Variants in NKAIN3 observed in about 807,000 individuals in gnomAD.
The protein encoded by NKAIN3 is sodium/potassium transporting ATPase interacting 3, also known as sodium/potassium-transporting ATPase subunit beta-1-interacting protein 3.
In NKAIN3, 25 loss-of-function variants were observed where a neutral mutation model predicts 30.2. The observed-to-expected ratio is 0.83, with a 90% CI of 0.60 to 1.16. The LOEUF (loss-of-function observed/expected upper bound fraction) is 1.16, where lower values mean the gene tolerates loss of function less well. Among genes scored for constraint, NKAIN3 ranks in the 50% most tolerant of loss-of-function variants. The pLI, the probability that NKAIN3 is intolerant of heterozygous loss-of-function variation, is 0.00. For missense variants in NKAIN3, 225 were observed against 254.1 expected, an observed-to-expected ratio of 0.89 and a Z score of 0.78; for synonymous variants, 91 against 89.6, an observed-to-expected ratio of 1.02 and a Z score of -0.09.
At chr8:62,805,079 G>C (rs913979556) in intron 4 of NKAIN3, among the ~76,000 whole-genome samples, 3 of 152,004 alleles carry the variant, frequency 2.0e-5, no homozygotes, top group South Asian at 4.1e-4. Context: ...AAATACCTAG[G>C]AATCCAACCT....
chr8:62,319,640 T>C (rs1406617690), intron 1 of NKAIN3, among the ~76,000 whole-genome samples: 1 of 152,124 alleles, frequency 6.6e-6, no homozygotes, highest in Non-Finnish European at 1.5e-5. Context: ...AGTTGAGCGG[T>C]TTTGAGTGAG....
At chr8:62,338,268 G>GA (rs903079696) in intron 1 of NKAIN3, among the ~76,000 whole-genome samples, 2 of 151,112 alleles carry the variant, frequency 1.3e-5, no homozygotes, top group Middle Eastern at 3.4e-3. Flanking sequence ...ACTTGAAAAA[G>GA]AAAAAAATGG....
At chr8:62,312,283 A>G (rs1814468201) in intron 1 of NKAIN3, among the ~76,000 whole-genome samples, 1 of 150,676 alleles carries the variant, frequency 6.6e-6, no homozygotes, top group Non-Finnish European at 1.5e-5. Context: ...TGGAAATAAC[A>G]CCTTTTGTGA....
intron 1 of NKAIN3, among the ~76,000 whole-genome samples, chr8:62,343,764 T>C (rs1177831430): frequency 6.6e-6 from 1 of 151,998 alleles, no homozygotes; most frequent in African/African-American, 2.4e-5. Context: ...TAAGCTCTGA[T>C]TGCGCCACTG....
intron 4 of NKAIN3, among the ~76,000 whole-genome samples, chr8:62,895,985 C>CG (rs531253682): frequency 2.7e-5 from 4 of 150,608 alleles, no homozygotes; most frequent in Non-Finnish European, 3.0e-5. Flanking sequence ...TAGATCCTGG[C>CG]TTTTTTTTTC....
intron 1 of NKAIN3, among the ~76,000 whole-genome samples, chr8:62,429,194 A>C (rs1182613579): frequency 6.6e-6 from 1 of 151,906 alleles, no homozygotes; most frequent in Non-Finnish European, 1.5e-5. Flanking sequence ...AAAAGTAGTG[A>C]AAGTGGGCAT....
intron 1 of NKAIN3, among the ~76,000 whole-genome samples, chr8:62,500,486 AAGAAAAG>A (rs1409505045): frequency 7.3e-4 from 104 of 143,016 alleles, no homozygotes; most frequent in Non-Finnish European, 1.2e-3. Flanking sequence ...AGAAAGAAAG[AAGAAAAG>A]AAAGAAAGAA....
chr8:62,738,923 T>G (rs944854638), intron 3 of NKAIN3, among the ~76,000 whole-genome samples: 1 of 152,116 alleles, frequency 6.6e-6, no homozygotes, highest in Non-Finnish European at 1.5e-5. Flanking sequence ...CACCATGGAA[T>G]ACTATGCAGC....
At position 62,979,726 on chromosome 8, in the gene NKAIN3, C is replaced by G. The variant is rs899246491; in HGVS notation, c.*14319C>G. On this transcript the variant is annotated 3_prime_UTR_variant, in exon 7 of 7. Transcript: ENST00000623646. ...TCCCACTGGGGCTGCTATGCAAGCT[C>G]TCAGTCTAGTCTTCTTTCCTCTGCA... is the stretch of plus-strand genomic sequence containing the variant. The G allele has an allele frequency of 6.6e-6, 1 of 152,262 alleles. No homozygotes were observed. Among genetic ancestry groups the G allele is most frequent in the Non-Finnish European group, 1.5e-5 (1 of 68,062 alleles). 9.4% of individuals were successfully genotyped at this position (152,262 alleles called of 1,614,324 possible).
intron 1 of NKAIN3, among the ~76,000 whole-genome samples, chr8:62,327,619 C>T (rs1271203730): frequency 6.6e-6 from 1 of 151,928 alleles, no homozygotes; most frequent in Non-Finnish European, 1.5e-5. Context: ...AATGTTTGAC[C>T]ACATATATGA....
chr8:62,438,400 C>T (rs1167417695), intron 1 of NKAIN3, among the ~76,000 whole-genome samples: 1 of 152,126 alleles, frequency 6.6e-6, no homozygotes, highest in Non-Finnish European at 1.5e-5. Context: ...TGTGTTGTGC[C>T]TGATTACACT....
chr8:62,437,941 G>A (rs892031142), intron 1 of NKAIN3, among the ~76,000 whole-genome samples: 36 of 152,280 alleles, frequency 2.4e-4, no homozygotes, highest in African/African-American at 8.7e-4. Context: ...GAGGTTTAAC[G>A]TTATTTGATT....
chr8:62,712,494 C>T (rs1814754581), intron 3 of NKAIN3, among the ~76,000 whole-genome samples: 1 of 152,038 alleles, frequency 6.6e-6, no homozygotes, highest in Admixed American at 6.6e-5. Flanking sequence ...TCTGCTGAGT[C>T]ATGCAGGTTA....
intron 4 of NKAIN3, among the ~76,000 whole-genome samples, chr8:62,806,803 A>G (rs1244451928): frequency 6.6e-6 from 1 of 151,604 alleles, no homozygotes; most frequent in Admixed American, 6.6e-5. Flanking sequence ...TTAAAGTATA[A>G]TAATAATAAA....
At chr8:62,906,067 C>T (rs1376569667) in intron 4 of NKAIN3, among the ~76,000 whole-genome samples, 1 of 152,172 alleles carries the variant, frequency 6.6e-6, no homozygotes, top group African/African-American at 2.4e-5. Context: ...ACAGAATTTC[C>T]TTCCAGTAAC....
intron 1 of NKAIN3, among the ~76,000 whole-genome samples, chr8:62,347,023 A>G (rs911222168): frequency 3.1e-4 from 47 of 152,102 alleles, no homozygotes; most frequent in Non-Finnish European, 3.7e-4. Context: ...GGTGGCATAC[A>G]TGTCTGAAGA....
At chr8:62,680,864 A>G (rs1389371593) in intron 3 of NKAIN3, among the ~76,000 whole-genome samples, 1 of 152,218 alleles carries the variant, frequency 6.6e-6, no homozygotes, top group Admixed American at 6.5e-5. Context: ...TTTGCTTCCA[A>G]TTATAGCAAT....
intron 1 of NKAIN3, among the ~76,000 whole-genome samples, chr8:62,259,725 T>C (rs373345638): frequency 4.6e-5 from 7 of 152,274 alleles, no homozygotes; most frequent in East Asian, 3.9e-4. Context: ...AGCATAGTTA[T>C]AAACAAAAAA....
At chr8:62,671,222 T>A (rs1410816649) in intron 3 of NKAIN3, among the ~76,000 whole-genome samples, 1 of 152,000 alleles carries the variant, frequency 6.6e-6, no homozygotes, top group Non-Finnish European at 1.5e-5. Flanking sequence ...CCTTGATGAT[T>A]TGAGATTTTT....
Sources: gnomAD v4.1 joint callset for allele counts (sites outside exome capture counted in the v4.1 genomes callset) on GRCh38, gnomAD v4.1.1 for gene constraint, MANE v1.5 for transcripts, NCBI Gene and HGNC (gene_info 2026-07-23, HGNC 2026-07-21) for gene names.